PCDH15: variants seen among roughly 807,000 people sequenced by gnomAD.
PCDH15 encodes protocadherin related 15, also known as protocadherin-15.
A neutral mutation model predicts 178.5 loss-of-function variants in PCDH15; 129 were observed. That is an observed-to-expected ratio of 0.72 (90% CI 0.63 to 0.84). The LOEUF (loss-of-function observed/expected upper bound fraction) is 0.84. Ranked by LOEUF, PCDH15 falls within the 40% of genes least tolerant of loss-of-function variation. PCDH15 has a pLI of 0.00. For synonymous variants in PCDH15, 800 were observed against 732.0 expected, an observed-to-expected ratio of 1.09 and a Z score of -1.50; for missense variants, 2,230 against 2,099.9, an observed-to-expected ratio of 1.06 and a Z score of -1.21.
At chr10:53,942,291 TTC>T (rs1491458924) in intron 23 of PCDH15, among the ~76,000 whole-genome samples, 8 of 82,574 alleles carry the variant, frequency 9.7e-5, no homozygotes, top group Non-Finnish European at 1.8e-4. Context: ...GTCCTGCATT[TTC>T]TTTTTGCTTT....
chr10:55,326,433 A>C (rs1385786833), intron 2 of PCDH15, among the ~76,000 whole-genome samples: 1 of 152,240 alleles, frequency 6.6e-6, no homozygotes, highest in South Asian at 2.1e-4. Flanking sequence ...TCTTTTAAGG[A>C]TCATGGATGG....
chr10:54,430,447 T>C (rs1479796701), intron 3 of PCDH15, among the ~76,000 whole-genome samples: 1 of 152,192 alleles, frequency 6.6e-6, no homozygotes, highest in South Asian at 2.1e-4. Context: ...TTCAAAAAAA[T>C]TGAAATATCA....
chr10:55,208,128 A>G (rs868214115), intron 1 of PCDH15, among the ~76,000 whole-genome samples: 2 of 152,194 alleles, frequency 1.3e-5, no homozygotes, highest in South Asian at 2.1e-4. Context: ...CATATTGATT[A>G]TATAGAGTAG....
chr10:54,062,241 AAAAAAAAAAAAC>A (rs2094036607), intron 18 of PCDH15, among the ~76,000 whole-genome samples: 1 of 144,184 alleles, frequency 6.9e-6, no homozygotes, highest in African/African-American at 2.5e-5. Flanking sequence ...AAAAAAAAAA[AAAAAAAAAAAAC>A]AAAAAACAAC....
chr10:54,551,002 A>G (rs972997343), intron 2 of PCDH15, among the ~76,000 whole-genome samples: 10 of 151,734 alleles, frequency 6.6e-5, no homozygotes, highest in Non-Finnish European at 1.5e-4. Flanking sequence ...CTAAAAATAC[A>G]AACATTAGCC....
chr10:54,796,224 AT>A (rs1951944151), intron 1 of PCDH15, among the ~76,000 whole-genome samples: 1 of 51,266 alleles, frequency 2.0e-5, no homozygotes, highest in Non-Finnish European at 3.7e-5. Flanking sequence ...TTTCTACATT[AT>A]CTATCTATCT....
intron 16 of PCDH15, 97 bp downstream of exon 16, chr10:54,089,887 C>T (rs1305717640): frequency 7.5e-6 from 7 of 937,804 alleles, no homozygotes; most frequent in Non-Finnish European, 1.2e-5. Flanking sequence ...GGAAGTACAA[C>T]TACAAACAGC....
At chr10:54,654,809 A>T (rs1490233022) in intron 2 of PCDH15, 1 of 152,220 alleles carries the variant, frequency 6.6e-6, no homozygotes, top group East Asian at 1.9e-4. Flanking sequence ...TCAGATTATT[A>T]GAACCACAAA....
Position 55,300,004 on chromosome 10 carries a change from T to C in PCDH15, c.-156+19595A>G, listed in dbSNP as rs531717260. On this transcript the variant is annotated intron_variant, in intron 1 of 5. Coordinates refer to the PCDH15 transcript ENST00000458638. Reference sequence around the variant, plus strand: ...TAAGAATATTCTAAATGCATTCGTTTTATCAATTTCATATTAATAAATGCA... The same window carrying C: ...TAAGAATATTCTAAATGCATTCGTTCTATCAATTTCATATTAATAAATGCA... Among the ~76,000 whole-genome samples, 8 of 152,306 alleles carry C rather than the reference T, an allele frequency of 5.3e-5. No homozygotes were observed. The South Asian group carries it at 1.7e-3, about 32-fold the overall frequency.
intron 3 of PCDH15, among the ~76,000 whole-genome samples, chr10:54,516,834 G>T (rs1367381838): frequency 6.6e-6 from 1 of 152,180 alleles, no homozygotes; most frequent in Non-Finnish European, 1.5e-5. Context: ...CCCACAAAGG[G>T]AAGCTCATCA....
chr10:54,114,502 G>C (rs1164114938), intron 15 of PCDH15, among the ~76,000 whole-genome samples: 1 of 151,968 alleles, frequency 6.6e-6, no homozygotes. Context: ...AGGCACTGTT[G>C]TAGTTACTAG....
chr10:55,296,585 A>C (rs2132273528), intron 1 of PCDH15, among the ~76,000 whole-genome samples: 1 of 152,316 alleles, frequency 6.6e-6, no homozygotes, highest in African/African-American at 2.4e-5. Context: ...TTATTCAGGA[A>C]GTTATAAGGG....
intron 1 of PCDH15, among the ~76,000 whole-genome samples, chr10:55,213,281 G>A (rs191838982): frequency 1.1e-4 from 17 of 152,092 alleles, no homozygotes; most frequent in African/African-American, 2.7e-4. Flanking sequence ...TTAGTTTCAC[G>A]AATCTTCATT....
chr10:55,320,431 C>A (rs1179823236), upstream of PCDH15, among the ~76,000 whole-genome samples: 1 of 152,070 alleles, frequency 6.6e-6, no homozygotes, highest in Non-Finnish European at 1.5e-5. Flanking sequence ...CTGCCAGCGC[C>A]CCAGTACAGT....
chr10:54,062,368 A>C (rs2094048106), intron 18 of PCDH15, among the ~76,000 whole-genome samples: 1 of 151,980 alleles, frequency 6.6e-6, no homozygotes, highest in East Asian at 1.9e-4. Flanking sequence ...TCAGTATAGT[A>C]ATTAACAATA....
intron 2 of PCDH15, among the ~76,000 whole-genome samples, chr10:55,463,371 G>T (rs2132095358): frequency 6.6e-6 from 1 of 152,224 alleles, no homozygotes; most frequent in Non-Finnish European, 1.5e-5. Flanking sequence ...GGAAGGCCGA[G>T]CACAGTGGCT....
At chr10:55,503,248 A>G (rs531591044) in intron 2 of PCDH15, among the ~76,000 whole-genome samples, 1 of 151,150 alleles carries the variant, frequency 6.6e-6, no homozygotes, top group East Asian at 2.0e-4. Flanking sequence ...AAGATAAACA[A>G]CGGTTTTCAT....
intron 26 of PCDH15, among the ~76,000 whole-genome samples, chr10:53,898,513 C>T (rs1437715892): frequency 6.6e-6 from 1 of 152,086 alleles, no homozygotes; most frequent in Non-Finnish European, 1.5e-5. Flanking sequence ...CTTCGTAGAA[C>T]CAGTTGTGAC....
chr10:54,310,303 G>T (rs904961853), intron 8 of PCDH15, among the ~76,000 whole-genome samples: 6 of 152,058 alleles, frequency 3.9e-5, no homozygotes, highest in African/African-American at 1.4e-4. Context: ...AACAACTTTG[G>T]CTTTATTGTG....
Sources: allele counts gnomAD v4.1 joint callset (sites outside exome capture counted in the v4.1 genomes callset), GRCh38; gene constraint gnomAD v4.1.1; transcripts MANE v1.5; gene names NCBI Gene and HGNC (gene_info 2026-07-23, HGNC 2026-07-21).